Variants in FLYWCH1 observed in about 807,000 individuals in gnomAD.
FLYWCH1 encodes the protein FLYWCH-type zinc finger 1, also known as FLYWCH-type zinc finger-containing protein 1.
In FLYWCH1, 75 loss-of-function variants were observed where a neutral mutation model predicts 66.4. That is an observed-to-expected ratio of 1.13 (90% confidence interval 0.94 to 1.37). FLYWCH1 has a LOEUF of 1.37. Ranked by LOEUF, FLYWCH1 falls within the 40% of genes most tolerant of loss-of-function variation. The pLI is 0.00. For synonymous variants in FLYWCH1, 595 were observed against 429.9 expected (o/e 1.38, Z -4.75); for missense variants, 1,334 against 1,001.8 (o/e 1.33, Z -4.48).
chr16:2,927,204 A>T (rs551005017), intron 2 of FLYWCH1, among the ~76,000 whole-genome samples: 1 of 152,290 alleles, frequency 6.6e-6, no homozygotes, highest in African/African-American at 2.4e-5. Flanking sequence ...TCAGCCGCCC[A>T]CTATGAGACT....
chr16:2,918,923 T>C (rs1202137143), intron 2 of FLYWCH1, among the ~76,000 whole-genome samples: 1 of 152,184 alleles, frequency 6.6e-6, no homozygotes, highest in Non-Finnish European at 1.5e-5. Context: ...TAGTCTTTAC[T>C]GAATTTGTTA....
At chr16:2,918,091 G>C (rs887653784) in intron 2 of FLYWCH1, among the ~76,000 whole-genome samples, 1 of 150,800 alleles carries the variant, frequency 6.6e-6, no homozygotes, top group Non-Finnish European at 1.5e-5. Context: ...CACCCACCTC[G>C]GCCTCCCAAA....
chr16:2,939,206 G>A (rs1287386135), intron 8 of FLYWCH1, among the ~76,000 whole-genome samples: 1 of 152,158 alleles, frequency 6.6e-6, no homozygotes, highest in Non-Finnish European at 1.5e-5. Context: ...AGCACTTTGG[G>A]AGGCTGAGGC....
chr16:2,923,616 T>TA (rs1200640954), intron 2 of FLYWCH1, among the ~76,000 whole-genome samples: 37 of 152,262 alleles, frequency 2.4e-4, no homozygotes, highest in Admixed American at 1.2e-3. Flanking sequence ...TTTCCCTCGT[T>TA]ACAAGCCATT....
At chr16:2,943,814 G>A (rs895074473) in intron 9 of FLYWCH1, among the ~76,000 whole-genome samples, 5 of 152,150 alleles carry the variant, frequency 3.3e-5, no homozygotes, top group Admixed American at 6.5e-5. Context: ...GCGAGCACCC[G>A]TAATCCCAGC....
chr16:2,937,588 C>G (rs539638811), intron 7 of FLYWCH1, among the ~76,000 whole-genome samples: 1 of 152,224 alleles, frequency 6.6e-6, no homozygotes, highest in Admixed American at 6.5e-5. Context: ...GACTGGCTGT[C>G]GGAGGTAGAA....
intron 8 of FLYWCH1, among the ~76,000 whole-genome samples, chr16:2,939,251 T>G (rs913799171): frequency 2.0e-5 from 3 of 151,966 alleles, no homozygotes; most frequent in East Asian, 1.9e-4. Context: ...TTCGAGACCA[T>G]CCTGATCAAC....
At chr16:2,914,132 A>C (rs1484054154) in intron 1 of FLYWCH1, 44 bp from the exon 2 acceptor site, 2 of 152,182 alleles carry the variant, frequency 1.3e-5, no homozygotes, top group Admixed American at 6.5e-5. Flanking sequence ...TCATGGAATA[A>C]TTTCACCTGC....
At chr16:2,936,644 G>C (rs1415003821) in intron 6 of FLYWCH1, 1 of 458,732 alleles carries the variant, frequency 2.2e-6, no homozygotes, top group Non-Finnish European at 4.4e-6. Flanking sequence ...ATCCAGGACA[G>C]TGGACGCTGC....
At chr16:2,925,465 C>CTCATCCCCAT (rs1555483195) in intron 2 of FLYWCH1, among the ~76,000 whole-genome samples, 3 of 151,784 alleles carry the variant, frequency 2.0e-5, no homozygotes, top group Admixed American at 1.3e-4. Flanking sequence ...CTCAGTCCCA[C>CTCATCCCCAT]TCATCCCCAT....
intron 1 of FLYWCH1, among the ~76,000 whole-genome samples, chr16:2,912,445 C>T (rs1298445467): frequency 6.6e-6 from 1 of 152,152 alleles, no homozygotes; most frequent in East Asian, 1.9e-4. Flanking sequence ...CTTCCTGGAC[C>T]CGCAGCATCA....
intron 6 of FLYWCH1, chr16:2,934,494 C>T (rs1596380774): frequency 2.7e-6 from 1 of 376,574 alleles, no homozygotes; most frequent in Non-Finnish European, 5.3e-6. Context: ...GGTCGGCCCC[C>T]CGCAGTGCCT....
chr16:2,948,662 A>G, intron 9 of FLYWCH1, 26 bp from the exon 10 acceptor site: 1 of 1,611,798 alleles, frequency 6.2e-7, no homozygotes, highest in South Asian at 1.1e-5. Context: ...GATGTGTGCA[A>G]TGAACATGTG....
At chr16:2,919,562 C>A (rs886070755) in intron 2 of FLYWCH1, among the ~76,000 whole-genome samples, 1 of 152,100 alleles carries the variant, frequency 6.6e-6, no homozygotes, top group Admixed American at 6.6e-5. Flanking sequence ...CCGCGTCTGG[C>A]CTATTTTTTG....
intron 9 of FLYWCH1, chr16:2,943,464 C>G (rs1025030280): frequency 4.0e-5 from 6 of 151,404 alleles, no homozygotes; most frequent in African/African-American, 1.2e-4. Flanking sequence ...AGTCACCAAG[C>G]CTAGTGTGTG....
rs112444415 is a variant in FLYWCH1, at chr16:2,929,878, G to A, written c.193G>A (p.Val65Ile). 7.6e-5 allele frequency: 123 copies of A among 1,613,884 alleles called. No homozygotes were observed. In the African/African-American group the frequency reaches 8.0e-4, roughly 10 times the overall value. The stretch of plus-strand genomic sequence containing the variant: ...ATCCAAGCCCCAGGAAGTGCACTGC[G>A]TCCTGTCCCTGGAGATGGCTGGCCC... ...VGSKPQEVHCVLSLEMAGPAT... is the reference protein window; with the variant it reads ...VGSKPQEVHCILSLEMAGPAT... Residue 65 changes from valine to isoleucine, a missense_variant, in exon 3 of 10, where the codon GTC becomes ATC. Physicochemically the swap from Val to Ile is conservative, Grantham distance 29. Coordinates refer to ENST00000253928, the MANE Select transcript of FLYWCH1 (RefSeq NM_001308068.2).
intron 7 of FLYWCH1, 62 bp downstream of exon 7, chr16:2,937,446 T>C: frequency 6.8e-7 from 1 of 1,467,346 alleles, no homozygotes; most frequent in South Asian, 1.4e-5. Flanking sequence ...CCCCACACGC[T>C]GGCTGGAGGC....
In FLYWCH1 at chr16:2,929,774, C is replaced by G; in HGVS notation, c.89C>G (p.Pro30Arg). Residue 30 changes from proline (P) to arginine (R), a missense_variant, in exon 3 of 10, where the codon CCG becomes CGG. Pro to Arg is a moderately radical substitution (Grantham distance 103). Transcript: ENST00000253928. ...PSPKPGTDVIPAAPRKPREFS... is the reference protein window; with the variant it reads ...PSPKPGTDVIRAAPRKPREFS... ...CCCAAGCCAGGCACGGACGTCATCC[C>G]GGCAGCCCCCAGGAAGCCCAGGGAG... 1 of 1,613,888 alleles carries G rather than the reference C, an allele frequency of 6.2e-7. No homozygotes were observed. Among genetic ancestry groups the G allele is most frequent in the Non-Finnish European group, 8.5e-7 (1 of 1,179,856 alleles).
chr16:2,943,913 G>T (rs1300298834), intron 9 of FLYWCH1, among the ~76,000 whole-genome samples: 1 of 151,756 alleles, frequency 6.6e-6, no homozygotes, highest in Non-Finnish European at 1.5e-5. Context: ...CTCCAGCCTG[G>T]GCAACATAGT....
Sources: allele counts gnomAD v4.1 joint callset (sites outside exome capture counted in the v4.1 genomes callset), GRCh38; gene constraint gnomAD v4.1.1; transcripts MANE v1.5; gene names NCBI Gene and HGNC (gene_info 2026-07-23, HGNC 2026-07-21).